XK: variants seen among roughly 807,000 people sequenced by gnomAD.
XK encodes X-linked Kx blood group antigen, Kell and VPS13A binding protein.
A neutral mutation model predicts 14.0 loss-of-function variants in XK; 2 were observed. That is an observed-to-expected ratio of 0.14 (90% CI 0.06 to 0.45). The LOEUF is 0.45. Ranked by LOEUF, XK falls within the 20% of genes least tolerant of loss-of-function variation. The pLI is 0.98. For missense variants in XK, 235 were observed against 341.5 expected, an observed-to-expected ratio of 0.69 and a Z score of 2.46; for synonymous variants, 149 against 147.5, an observed-to-expected ratio of 1.01 and a Z score of -0.08.
intron 1 of XK, 21 bp from the exon 2 acceptor site, chrX:37,694,265 G>T: frequency 6.6e-6 from 8 of 1,210,229 alleles, no homozygotes; most frequent in Non-Finnish European, 8.9e-6. Context: ...TAATTATTAT[G>T]ATTTCCTGAT....
At chrX:37,717,622 T>G in intron 2 of XK, among the ~76,000 whole-genome samples, 1 of 111,410 alleles carries the variant, frequency 9.0e-6, no homozygotes, top group East Asian at 2.8e-4. Context: ...GATTATAGAG[T>G]ATACAGTTAT....
rs1928022621 is a variant in XK at position 37,728,444 on chromosome X, A to G, written c.1317A>G (p.Glu439=). 2.5e-6 allele frequency: 3 copies of G among 1,207,602 alleles called. No individual in the cohort carries two copies. The highest frequency in any genetic ancestry group is 3.5e-5 in the African/African-American group (2 of 57,159). Residue 439 remains glutamate (E), a synonymous_variant, in exon 3 of 3, where the codon GAA becomes GAG. Coordinates refer to ENST00000378616, the MANE Select transcript of XK (RefSeq NM_021083.4). The stretch of plus-strand genomic sequence containing the variant: ...AGCCTGGTCAGTTCTTGAATGCTGA[A>G]GATCTCTGCTCTGCTTAATGGGACC... ...SPEPGQFLNA[E]DLCSA
At position 37,728,892 on chromosome X, in the gene XK, A is replaced by G; in HGVS notation, c.*430A>G. ...CACCCAAGAGCTGTCCTGGTGACCA[A>G]AAAAGATTACTAGGGTTTTGCCATC... On this transcript the variant is annotated 3_prime_UTR_variant, in exon 3 of 3. Transcript: ENST00000378616. 7.6e-6 allele frequency: 1 copy of G among 131,147 alleles called. No individual in the cohort carries two copies. Among genetic ancestry groups the G allele is most frequent in the Admixed American group, 7.7e-5 (1 of 13,052 alleles). The allele number at this position is 131,147 out of a possible 1,213,427, so 10.8% of individuals were successfully genotyped here.
intron 2 of XK, among the ~76,000 whole-genome samples, chrX:37,714,626 G>A (rs1393441378): frequency 1.8e-5 from 2 of 111,550 alleles, no homozygotes; most frequent in Admixed American, 1.9e-4. Flanking sequence ...TCAAGATGAA[G>A]GGTGCTAGCA....
Position 37,700,947 on chromosome X carries a change from G to A in XK, c.508+6399G>A, listed in dbSNP as rs782433953. On this transcript the variant is annotated intron_variant, in intron 2 of 2. Transcript: ENST00000378616. ...AAAAAATGCAAAAAAAAAAGTTATG[G>A]TCATGTTATTTTATTTATTTATTTG... Among the ~76,000 whole-genome samples, 3 of 111,332 alleles carry A rather than the reference G, an allele frequency of 2.7e-5. No homozygotes were observed. In the East Asian group the frequency reaches 8.4e-4, roughly 31 times the overall value.
At chrX:37,707,752 T>G (rs1183772503) in intron 2 of XK, among the ~76,000 whole-genome samples, 1 of 109,605 alleles carries the variant, frequency 9.1e-6, no homozygotes, top group Non-Finnish European at 1.9e-5. Context: ...GCTCCTCACA[T>G]CCCAGATGAT....
chrX:37,686,036 C>T lies in XK; in HGVS notation c.75C>T (p.Ser25=), dbSNP rs1927061525. 2 of 1,210,191 alleles carry T rather than the reference C, an allele frequency of 1.7e-6. No individual in the cohort carries two copies. Among genetic ancestry groups the T allele is most frequent in the Non-Finnish European group, 2.2e-6 (2 of 895,032 alleles). ...VAETTAALSL[S]STYRSGGDRM... ...AGACAACGGCGGCGCTCAGCCTGAG[C>T]AGCACCTACCGCTCGGGCGGGGACC... Residue 25 remains serine, a synonymous_variant, in exon 1 of 3, where the codon AGC becomes AGT. Coordinates refer to ENST00000378616, the MANE Select transcript of XK (RefSeq NM_021083.4).
At chrX:37,712,587 C>G (rs921659005) in intron 2 of XK, among the ~76,000 whole-genome samples, 1 of 111,854 alleles carries the variant, frequency 8.9e-6, no homozygotes, top group East Asian at 2.8e-4. Flanking sequence ...ATATGGGGTA[C>G]TTTTTTTCTT....
chrX:37,707,154 C>A (rs1910013435), intron 2 of XK, among the ~76,000 whole-genome samples: 1 of 112,667 alleles, frequency 8.9e-6, no homozygotes, highest in Non-Finnish European at 1.9e-5. Flanking sequence ...GGGTACACCT[C>A]CCAGACGGGG....
At chrX:37,709,173 G>A (rs782067065) in intron 2 of XK, among the ~76,000 whole-genome samples, 3 of 111,648 alleles carry the variant, frequency 2.7e-5, no homozygotes, top group Non-Finnish European at 3.8e-5. Context: ...TTTGTAGCAT[G>A]TACAAATAAC....
intron 1 of XK, among the ~76,000 whole-genome samples, chrX:37,690,005 G>A (rs1556440983): frequency 9.0e-6 from 1 of 111,300 alleles, no homozygotes; most frequent in African/African-American, 3.3e-5. Flanking sequence ...AGGAAAAAAT[G>A]GTACATGAAA....
chrX:37,698,871 A>G (rs1927356483), intron 2 of XK, among the ~76,000 whole-genome samples: 1 of 112,097 alleles, frequency 8.9e-6, no homozygotes, highest in Non-Finnish European at 1.9e-5. Flanking sequence ...CGAGTCTGGG[A>G]AATGAGGCAA....
chrX:37,693,511 C>A (rs1927246840), intron 1 of XK, among the ~76,000 whole-genome samples: 1 of 10,188 alleles, frequency 9.8e-5, no homozygotes, highest in East Asian at 4.5e-3. Flanking sequence ...GTATGTACTT[C>A]AAAGTTAATC....
Position 37,695,263 on chromosome X carries a change from C to T in XK, c.508+715C>T, listed in dbSNP as rs781833870. On this transcript the variant is annotated intron_variant, in intron 2 of 2. Coordinates refer to ENST00000378616, the MANE Select transcript of XK (RefSeq NM_021083.4). Reference sequence around the variant, plus strand: ...TGGGATTTCACTCTGTCTTTCAGTGCTAGTTCTAAACTAGTTGAGACAGTT... The same window carrying T: ...TGGGATTTCACTCTGTCTTTCAGTGTTAGTTCTAAACTAGTTGAGACAGTT... 3.7e-4 allele frequency among the ~76,000 whole-genome samples: 41 copies of T among 112,148 alleles called. 1 individual carries two copies. Among genetic ancestry groups the T allele is most frequent in the Non-Finnish European group, 6.2e-4 (33 of 53,206 alleles).
At chrX:37,691,751 C>A (rs1485453001) in intron 1 of XK, among the ~76,000 whole-genome samples, 1 of 111,882 alleles carries the variant, frequency 8.9e-6, no homozygotes, top group African/African-American at 3.2e-5. Context: ...ATATATGATT[C>A]TATTGTAATT....
intron 2 of XK, among the ~76,000 whole-genome samples, chrX:37,701,906 T>C (rs1927425019): frequency 9.0e-6 from 1 of 111,456 alleles, no homozygotes; most frequent in Non-Finnish European, 1.9e-5. Context: ...CAGTCCCCAC[T>C]CTGGTGTCCC....
intron 2 of XK, among the ~76,000 whole-genome samples, chrX:37,714,307 G>A (rs781967516): frequency 4.5e-5 from 5 of 111,006 alleles, no homozygotes; most frequent in Non-Finnish European, 7.6e-5. Context: ...CTCCTTGTTA[G>A]AAATTATTTC....
At chrX:37,713,797 A>G (rs545909043) in intron 2 of XK, among the ~76,000 whole-genome samples, 22 of 111,433 alleles carry the variant, frequency 2.0e-4, no homozygotes, top group Middle Eastern at 9.2e-3. Flanking sequence ...TCTTAACCCA[A>G]TGAATACTAA....
At chrX:37,713,214 G>T (rs1344131543) in intron 2 of XK, among the ~76,000 whole-genome samples, 1 of 111,994 alleles carries the variant, frequency 8.9e-6, no homozygotes, top group Non-Finnish European at 1.9e-5. Context: ...TGGCAATTTG[G>T]TACTGTTTAA....
Sources: gnomAD v4.1 joint callset for allele counts (sites outside exome capture counted in the v4.1 genomes callset) on GRCh38, gnomAD v4.1.1 for gene constraint, MANE v1.5 for transcripts, NCBI Gene and HGNC (gene_info 2026-07-23, HGNC 2026-07-21) for gene names.